CA8: variants seen among roughly 807,000 people sequenced by gnomAD.
CA8 encodes the protein carbonic anhydrase-related protein.
A neutral mutation model predicts 41.4 loss-of-function variants in CA8; 22 were observed. The observed-to-expected ratio is 0.53, with a 90% CI of 0.38 to 0.76. The LOEUF is 0.76. Ranked by LOEUF, CA8 falls within the 30% of genes least tolerant of loss-of-function variation. CA8 has a pLI of 0.00. For missense variants in CA8, 270 were observed against 352.8 expected (o/e 0.77, Z 1.88); for synonymous variants, 121 against 130.6 (o/e 0.93, Z 0.50).
chr8:60,235,449 AT>A (rs1807796832), intron 3 of CA8, among the ~76,000 whole-genome samples: 1 of 152,208 alleles, frequency 6.6e-6, no homozygotes. Context: ...TTCAACATGA[AT>A]TTGGCAGGGA....
intron 8 of CA8, among the ~76,000 whole-genome samples, chr8:60,204,806 T>C (rs972013489): frequency 1.3e-5 from 2 of 152,224 alleles, no homozygotes; most frequent in African/African-American, 2.4e-5. Context: ...ACTGAAAATA[T>C]GGCTTTGAGC....
intron 8 of CA8, among the ~76,000 whole-genome samples, chr8:60,192,366 G>C (rs1464462468): frequency 6.6e-6 from 1 of 152,124 alleles, no homozygotes; most frequent in Non-Finnish European, 1.5e-5. Flanking sequence ...GTGTGGGACT[G>C]TAATGACAGC....
chr8:60,220,913 T>C (rs2130461730), intron 7 of CA8, among the ~76,000 whole-genome samples: 1 of 152,262 alleles, frequency 6.6e-6, no homozygotes, highest in East Asian at 1.9e-4. Flanking sequence ...AGGGCAACTG[T>C]GGGAGGAGGA....
intron 3 of CA8, among the ~76,000 whole-genome samples, chr8:60,256,643 TAC>T (rs976202843): frequency 7.9e-5 from 12 of 152,330 alleles, no homozygotes; most frequent in East Asian, 5.8e-4. Context: ...GTTAAAAACT[TAC>T]AGAGTTAAAA....
At chr8:60,245,734 T>C (rs1808206283) in intron 3 of CA8, among the ~76,000 whole-genome samples, 1 of 152,204 alleles carries the variant, frequency 6.6e-6, no homozygotes, top group East Asian at 1.9e-4. Context: ...GAGGTGGAAC[T>C]TGTACCAAAA....
intron 7 of CA8, among the ~76,000 whole-genome samples, chr8:60,218,639 C>T (rs573278247): frequency 2.6e-5 from 4 of 152,194 alleles, no homozygotes; most frequent in African/African-American, 7.2e-5. Context: ...TGAATGCATT[C>T]GAGTATCATA....
intron 2 of CA8, among the ~76,000 whole-genome samples, chr8:60,270,586 T>C (rs1804038067): frequency 6.6e-6 from 1 of 152,110 alleles, no homozygotes; most frequent in Admixed American, 6.5e-5. Flanking sequence ...TGGCTAATTT[T>C]TGTATTTTTA....
At chr8:60,250,799 G>A (rs568836504) in intron 3 of CA8, among the ~76,000 whole-genome samples, 1 of 152,132 alleles carries the variant, frequency 6.6e-6, no homozygotes, top group South Asian at 2.1e-4. Flanking sequence ...GTGTAATGTT[G>A]AACAGTGATG....
At chr8:60,191,665 G>A (rs532609661) in intron 8 of CA8, among the ~76,000 whole-genome samples, 30 of 152,214 alleles carry the variant, frequency 2.0e-4, no homozygotes, top group African/African-American at 6.7e-4. Context: ...GGACCAGTGC[G>A]CTGCAGAACT....
At chr8:60,248,345 G>T (rs1391847621) in intron 3 of CA8, among the ~76,000 whole-genome samples, 3 of 152,164 alleles carry the variant, frequency 2.0e-5, no homozygotes, top group Non-Finnish European at 4.4e-5. Flanking sequence ...GTCCTGAATG[G>T]TACTGCCTTG....
intron 3 of CA8, among the ~76,000 whole-genome samples, chr8:60,238,349 G>T (rs1807904380): frequency 6.6e-6 from 1 of 152,158 alleles, no homozygotes; most frequent in Non-Finnish European, 1.5e-5. Context: ...ACACTGAAAA[G>T]GCAATTATGA....
rs1026815869 is a variant in CA8, at chr8:60,281,054, C to G, written c.94G>C (p.Glu32Gln). 1.2e-6 allele frequency: 2 copies of G among 1,609,676 alleles called. No individual in the cohort carries two copies. The highest frequency in any genetic ancestry group is 4.5e-5 in the East Asian group (2 of 44,828). ...CCGACTCGCGGCCACTTACCTTCCT[C>G]GTAGCCCCACTCCACACCCTCCTCT... is the stretch of plus-strand genomic sequence containing the variant. Reference protein sequence around the residue: ...EEEEGVEWGYEEGVEWGLVFP... With the variant: ...EEEEGVEWGYQEGVEWGLVFP... The change falls in exon 1 of 9, where the codon GAG becomes CAG. Residue 32 changes from glutamate to glutamine, a missense_variant. Physicochemically the swap from Glu to Gln is conservative, Grantham distance 29. This residue lies in a region of CA8 where 123 missense variants were observed against 136.8 expected (regional missense o/e 0.90). Transcript: ENST00000317995.
rs1048318490 is a variant in CA8 at position 60,281,374 on chromosome 8, A to G, written c.-227T>C. On this transcript the variant is annotated 5_prime_UTR_variant, in exon 1 of 9. Transcript: ENST00000317995. The stretch of plus-strand genomic sequence containing the variant: ...CGTGGGAAGCGCGTCCGGAGGCCCC[A>G]GCAGAGCGAGGGAGCGGCTGTGGCC... 4 of 556,744 alleles carry G rather than the reference A, an allele frequency of 7.2e-6. 1 individual carries two copies. The highest frequency in any genetic ancestry group is 4.0e-5 in the South Asian group (2 of 49,512). 34.5% of individuals were successfully genotyped at this position (556,744 alleles called of 1,614,324 possible).
At chr8:60,261,217 C>T (rs1469325971) in intron 3 of CA8, among the ~76,000 whole-genome samples, 1 of 152,200 alleles carries the variant, frequency 6.6e-6, no homozygotes. Flanking sequence ...GGCCTGGACT[C>T]TTCACAATTA....
intron 7 of CA8, among the ~76,000 whole-genome samples, chr8:60,212,192 A>C (rs1029797690): frequency 6.6e-6 from 1 of 152,216 alleles, no homozygotes; most frequent in African/African-American, 2.4e-5. Context: ...CATTTATTCC[A>C]ATCTTCACTG....
chr8:60,279,539 CCA>C lies in CA8; in HGVS notation c.292+148_292+149del, dbSNP rs1024082614. The C allele has an allele frequency of 2.8e-5, 19 of 681,252 alleles. No homozygotes were observed. The African/African-American group carries it at 3.2e-4, about 12-fold the overall frequency. 42.2% of individuals were successfully genotyped at this position (681,252 alleles called of 1,614,324 possible). A position where few individuals can be genotyped will look rare whatever the true frequency, so the allele number is the denominator to read the frequency against. On this transcript the variant is annotated intron_variant, in intron 2 of 8. Coordinates refer to ENST00000317995, the MANE Select transcript of CA8 (RefSeq NM_004056.6). ...TCAAAATTGTTTCAGAAGGTAATTC[CCA>C]AAAATGCTTTATATTATAATACAAA... is the stretch of plus-strand genomic sequence containing the variant.
intron 8 of CA8, among the ~76,000 whole-genome samples, chr8:60,198,167 T>C (rs940737296): frequency 5.3e-5 from 8 of 152,188 alleles, no homozygotes; most frequent in African/African-American, 1.9e-4. Flanking sequence ...TAGGTCTGAA[T>C]TCTTGCTCTG....
chr8:60,276,747 A>G (rs1378076648), intron 2 of CA8, among the ~76,000 whole-genome samples: 2 of 152,164 alleles, frequency 1.3e-5, no homozygotes, highest in African/African-American at 2.4e-5. Flanking sequence ...TACCCCCTAA[A>G]TGTATACAGA....
At chr8:60,256,947 T>C (rs1288788109) in intron 3 of CA8, among the ~76,000 whole-genome samples, 1 of 152,202 alleles carries the variant, frequency 6.6e-6, no homozygotes, top group Non-Finnish European at 1.5e-5. Flanking sequence ...TTCTTATTTA[T>C]AGTAACAAAA....
Sources: gnomAD v4.1 joint callset for allele counts (sites outside exome capture counted in the v4.1 genomes callset) on GRCh38, gnomAD v4.1.1 for gene constraint, gnomAD v4.1.1 regional missense constraint, MANE v1.5 for transcripts, NCBI Gene and HGNC (gene_info 2026-07-23, HGNC 2026-07-21) for gene names.